NIM1K: variants seen among roughly 807,000 people sequenced by gnomAD.
The protein encoded by NIM1K is serine/threonine-protein kinase NIM1.
In NIM1K, 35 loss-of-function variants were observed where a neutral mutation model predicts 37.1. That is an observed-to-expected ratio of 0.94 (90% confidence interval 0.72 to 1.25). The LOEUF is 1.25. NIM1K is among the 50% of genes most tolerant of loss of function. NIM1K has a pLI of 0.00. For synonymous variants in NIM1K, 234 were observed against 206.6 expected (o/e 1.13, Z -1.14); for missense variants, 564 against 548.0 (o/e 1.03, Z -0.29).
chr5:43,277,813 T>TGAGAGA (rs1213115540), intron 3 of NIM1K, among the ~76,000 whole-genome samples: 36 of 143,908 alleles, frequency 2.5e-4, no homozygotes, highest in African/African-American at 1.3e-4. Context: ...TGTGTGTGTG[T>TGAGAGA]GTGAGAGAGA....
chr5:43,199,644 A>G (rs1751988875), intron 1 of NIM1K, among the ~76,000 whole-genome samples: 1 of 152,196 alleles, frequency 6.6e-6, no homozygotes, highest in Non-Finnish European at 1.5e-5. Context: ...ACACCACACT[A>G]AGGTCTTACT....
intron 1 of NIM1K, among the ~76,000 whole-genome samples, chr5:43,222,748 A>C (rs1332329478): frequency 6.6e-6 from 1 of 151,990 alleles, no homozygotes; most frequent in Non-Finnish European, 1.5e-5. Flanking sequence ...AAAAAAGAAA[A>C]AAGAAAAAAG....
rs368478170 is a variant in NIM1K, at chr5:43,228,990, G to A, written c.-694-16092G>A. ...AAAATATAGATGATACTGTTTTGTC[G>A]AAATTAATTTGCTACTCACAAGTGA... is the stretch of plus-strand genomic sequence containing the variant. On this transcript the variant is annotated intron_variant, in intron 1 of 3. Coordinates refer to ENST00000326035, the MANE Select transcript of NIM1K (RefSeq NM_153361.4). Among the ~76,000 whole-genome samples, 187 of 152,160 alleles carry A rather than the reference G, an allele frequency of 1.2e-3. 1 individual carries two copies. The highest frequency in any genetic ancestry group is 1.5e-3 in the Non-Finnish European group (100 of 68,002).
At chr5:43,262,811 G>T (rs940536209) in intron 2 of NIM1K, among the ~76,000 whole-genome samples, 1 of 152,068 alleles carries the variant, frequency 6.6e-6, no homozygotes, top group African/African-American at 2.4e-5. Context: ...AGAATTTTTA[G>T]CATGAAGGGT....
intron 1 of NIM1K, among the ~76,000 whole-genome samples, chr5:43,217,437 T>C (rs1465214898): frequency 7.1e-6 from 1 of 140,422 alleles, no homozygotes; most frequent in Non-Finnish European, 1.5e-5. Flanking sequence ...AGCACTCATA[T>C]ACAAGTTTTT....
rs1753423069 is a variant in NIM1K, at chr5:43,280,408, C to A, written c.990C>A (p.Tyr330Ter). 1.2e-6 allele frequency: 2 copies of A among 1,614,044 alleles called. No individual in the cohort carries two copies. The highest frequency in any genetic ancestry group is 1.7e-6 in the Non-Finnish European group (2 of 1,180,026). The change falls in exon 4 of 4, where the codon TAC (tyrosine) becomes TAA (stop). Residue 330 changes from tyrosine (Y) to a stop codon, truncating the protein, a stop_gained. Coordinates refer to ENST00000326035, the MANE Select transcript of NIM1K (RefSeq NM_153361.4). LOFTEE classifies it high-confidence loss of function. Reference protein sequence around the residue: ...MNDEWMQGVPYPTPLEPFQLD... With the variant: ...MNDEWMQGVP Reference sequence around the variant, plus strand: ...ATGAATGGATGCAAGGGGTGCCATACCCTACACCTTTGGAACCTTTCCAAC... The same window carrying A: ...ATGAATGGATGCAAGGGGTGCCATAACCTACACCTTTGGAACCTTTCCAAC...
At chr5:43,266,818 A>C (rs753549661) in intron 2 of NIM1K, among the ~76,000 whole-genome samples, 3 of 152,042 alleles carry the variant, frequency 2.0e-5, no homozygotes, top group Non-Finnish European at 4.4e-5. Context: ...ATCATGATGT[A>C]TTATGTTTTT....
intron 2 of NIM1K, among the ~76,000 whole-genome samples, chr5:43,267,355 G>A (rs925253362): frequency 6.6e-6 from 1 of 152,018 alleles, no homozygotes; most frequent in African/African-American, 2.4e-5. Flanking sequence ...TCTCCTCTTA[G>A]TTAATCTAGT....
intron 1 of NIM1K, among the ~76,000 whole-genome samples, chr5:43,243,822 GCACACCCTGCTAAGGGGTACACCAC>G (rs2112260266): frequency 6.6e-6 from 1 of 152,174 alleles, no homozygotes; most frequent in Admixed American, 6.5e-5. Context: ...GACTACAGGT[GCACACCCTGCTAAGGGGTACACCAC>G]CACACCCTGC....
At chr5:43,240,905 T>C (rs1455733617) in intron 1 of NIM1K, among the ~76,000 whole-genome samples, 1 of 152,026 alleles carries the variant, frequency 6.6e-6, no homozygotes, top group Non-Finnish European at 1.5e-5. Flanking sequence ...TCTTGGATAC[T>C]GTAACTCATT....
chr5:43,275,106 A>T (rs1753318740), intron 2 of NIM1K, among the ~76,000 whole-genome samples: 1 of 152,252 alleles, frequency 6.6e-6, no homozygotes, highest in Non-Finnish European at 1.5e-5. Flanking sequence ...GCAAAACTAA[A>T]TTGAAAGGAA....
intron 1 of NIM1K, chr5:43,240,423 A>G (rs1253662186): frequency 2.0e-5 from 3 of 151,848 alleles, no homozygotes; most frequent in African/African-American, 2.4e-5. Context: ...AATGTAAATC[A>G]TATGAAAAAG....
At chr5:43,249,221 C>A (rs1281181316) in intron 2 of NIM1K, among the ~76,000 whole-genome samples, 1 of 152,004 alleles carries the variant, frequency 6.6e-6, no homozygotes, top group Non-Finnish European at 1.5e-5. Flanking sequence ...AGGTGCCCGC[C>A]ACCACGCCCG....
intron 2 of NIM1K, among the ~76,000 whole-genome samples, chr5:43,255,387 T>C (rs1752927030): frequency 6.6e-6 from 1 of 152,136 alleles, no homozygotes; most frequent in Non-Finnish European, 1.5e-5. Context: ...ACTTACACTC[T>C]AGTGAGAGGG....
intron 1 of NIM1K, among the ~76,000 whole-genome samples, chr5:43,227,924 A>G (rs965284724): frequency 6.6e-6 from 1 of 152,140 alleles, no homozygotes; most frequent in Non-Finnish European, 1.5e-5. Context: ...ACTTGCCAGT[A>G]AAGATACTGA....
chr5:43,204,468 G>A (rs1278399645), intron 1 of NIM1K, among the ~76,000 whole-genome samples: 6 of 151,766 alleles, frequency 4.0e-5, no homozygotes, highest in Middle Eastern at 3.4e-3. Flanking sequence ...TTGGGAGGCC[G>A]AGGCGGGTGG....
At position 43,280,831 on chromosome 5, in the gene NIM1K, A is replaced by G. The variant is rs1753432987; in HGVS notation, c.*102A>G. The G allele has an allele frequency of 1.7e-6, 2 of 1,178,986 alleles. No individual in the cohort carries two copies. The highest frequency in any genetic ancestry group is 5.1e-5 in the Admixed American group (2 of 39,582). The allele number at this position is 1,178,986 out of a possible 1,614,324, so 73.0% of individuals were successfully genotyped here. On this transcript the variant is annotated 3_prime_UTR_variant, in exon 4 of 4. Coordinates refer to ENST00000326035, the MANE Select transcript of NIM1K (RefSeq NM_153361.4). ...AGACATTTTTGTAATTTTTAAATAAACTTAAATTTGAGATATGCATTTTTT... is the reference window on the plus strand; with the variant it reads ...AGACATTTTTGTAATTTTTAAATAAGCTTAAATTTGAGATATGCATTTTTT...
intron 1 of NIM1K, among the ~76,000 whole-genome samples, chr5:43,220,920 G>A (rs776561125): frequency 1.3e-5 from 2 of 152,110 alleles, no homozygotes; most frequent in African/African-American, 4.8e-5. Flanking sequence ...AGCATAGGGC[G>A]GTCATGATAA....
intron 1 of NIM1K, 49 bp from the exon 2 acceptor site, chr5:43,245,033 G>T (rs905134250): frequency 5.3e-5 from 8 of 152,252 alleles, no homozygotes; most frequent in Admixed American, 3.3e-4. Context: ...TACAAATCCT[G>T]TACAGTACAT....
Sources: gnomAD v4.1 joint callset for allele counts (sites outside exome capture counted in the v4.1 genomes callset) on GRCh38, gnomAD v4.1.1 for gene constraint, MANE v1.5 for transcripts, NCBI Gene and HGNC (gene_info 2026-07-23, HGNC 2026-07-21) for gene names.